Variants in SGCD observed in about 807,000 individuals in gnomAD.
SGCD encodes delta-sarcoglycan.
SGCD carries 18 observed loss-of-function variants against 36.6 expected under a neutral mutation model. The ratio of observed to expected loss-of-function variants is 0.49; its 90% CI spans 0.34 to 0.73. SGCD has a LOEUF of 0.73. Ranked by LOEUF, SGCD falls within the 30% of genes least tolerant of loss-of-function variation. The pLI is 0.01. For synonymous variants in SGCD, 133 were observed against 130.6 expected, an observed-to-expected ratio of 1.02 and a Z score of -0.12; for missense variants, 387 against 346.7, an observed-to-expected ratio of 1.12 and a Z score of -0.92.
In SGCD at chr5:156,052,698, C is replaced by A. The variant is rs1435185385; in HGVS notation, c.-281-65180C>A. Among the ~76,000 whole-genome samples, 2 of 145,132 alleles carry A rather than the reference C, an allele frequency of 1.4e-5. 1 individual carries two copies. The highest frequency in any genetic ancestry group is 3.1e-5 in the Non-Finnish European group (2 of 64,326). ...GAAACACAGTGCAAAATGCAGGGTTCCTTGTTAAAGGAGTAAAAAAAAAAG... is the reference window on the plus strand; with the variant it reads ...GAAACACAGTGCAAAATGCAGGGTTACTTGTTAAAGGAGTAAAAAAAAAAG... On this transcript the variant is annotated intron_variant, in intron 1 of 9. Transcript: ENST00000517913.
rs995339765 is a variant in SGCD at position 156,764,082 on chromosome 5, A to G, written c.*4692A>G. On this transcript the variant is annotated 3_prime_UTR_variant, in exon 9 of 9. Coordinates refer to ENST00000337851, the MANE Select transcript of SGCD (RefSeq NM_000337.6). Reference sequence around the variant, plus strand: ...CCAAGAAATCTTAGGCATGAAAAGGATAAGGAAACAGCTCCTGGAATGATA... The same window carrying G: ...CCAAGAAATCTTAGGCATGAAAAGGGTAAGGAAACAGCTCCTGGAATGATA... 1.3e-5 allele frequency: 2 copies of G among 152,234 alleles called. No homozygotes were observed. Among genetic ancestry groups the G allele is most frequent in the Non-Finnish European group, 2.9e-5 (2 of 68,022 alleles). 9.4% of individuals were successfully genotyped at this position (152,234 alleles called of 1,614,324 possible).
intron 6 of SGCD, among the ~76,000 whole-genome samples, chr5:156,611,525 AAGC>A (rs1356100129): frequency 6.6e-6 from 1 of 152,144 alleles, no homozygotes; most frequent in African/African-American, 2.4e-5. Context: ...ATTTTTCTTA[AAGC>A]TTTTAGAATT....
At chr5:156,442,164 G>A (rs757466379) in intron 3 of SGCD, among the ~76,000 whole-genome samples, 16 of 152,300 alleles carry the variant, frequency 1.1e-4, no homozygotes, top group Admixed American at 5.2e-4. Context: ...AGCAGTGATC[G>A]AGTGTAATCA....
At chr5:156,484,175 G>C (rs1313589643) in intron 3 of SGCD, among the ~76,000 whole-genome samples, 1 of 152,144 alleles carries the variant, frequency 6.6e-6, no homozygotes, top group Non-Finnish European at 1.5e-5. Context: ...TAAAGAAAAG[G>C]GAAACGTGAA....
intron 1 of SGCD, among the ~76,000 whole-genome samples, chr5:156,112,415 G>A (rs1761808307): frequency 6.6e-6 from 1 of 152,026 alleles, no homozygotes; most frequent in Non-Finnish European, 1.5e-5. Context: ...ATAGGACTCT[G>A]TGGATTCTTA....
chr5:156,013,276 C>T (rs545910299), intron 1 of SGCD, among the ~76,000 whole-genome samples: 5 of 152,210 alleles, frequency 3.3e-5, no homozygotes, highest in African/African-American at 1.2e-4. Flanking sequence ...CTGCCGACCT[C>T]AGCCTCCCAA....
chr5:155,800,189 A>T, the SGCD span, among the ~76,000 whole-genome samples: 1 of 152,094 alleles, frequency 6.6e-6, no homozygotes, highest in East Asian at 1.9e-4. Context: ...GTTTTGCATC[A>T]TAAGTTCTTC....
chr5:156,744,388 G>T (rs1352383204), intron 7 of SGCD, among the ~76,000 whole-genome samples: 1 of 152,280 alleles, frequency 6.6e-6, no homozygotes, highest in Non-Finnish European at 1.5e-5. Context: ...GGCAGCAGCC[G>T]AGACTTTAGT....
intron 7 of SGCD, among the ~76,000 whole-genome samples, chr5:156,674,362 C>T (rs1414116893): frequency 6.6e-6 from 1 of 152,138 alleles, no homozygotes; most frequent in Non-Finnish European, 1.5e-5. Flanking sequence ...AGGCATAATC[C>T]CCCGTCTTTG....
intron 1 of SGCD, among the ~76,000 whole-genome samples, chr5:155,958,149 G>A (rs1757705037): frequency 6.6e-6 from 1 of 152,076 alleles, no homozygotes; most frequent in Non-Finnish European, 1.5e-5. Flanking sequence ...GCTTACCCCA[G>A]GATTGCTGTG....
intron 7 of SGCD, among the ~76,000 whole-genome samples, chr5:156,695,906 A>C (rs1273673707): frequency 6.6e-6 from 1 of 152,240 alleles, no homozygotes; most frequent in African/African-American, 2.4e-5. Flanking sequence ...GTTTGTGTTC[A>C]TCAGACTTGT....
At chr5:156,595,960 C>A (rs921123392) in intron 6 of SGCD, among the ~76,000 whole-genome samples, 3 of 152,130 alleles carry the variant, frequency 2.0e-5, no homozygotes, top group Non-Finnish European at 4.4e-5. Flanking sequence ...TTTAAGGATC[C>A]TAGAACTCCA....
In SGCD at chr5:156,535,324, C is replaced by T. The variant is rs150132318; in HGVS notation, c.294+26622C>T. On this transcript the variant is annotated intron_variant, in intron 4 of 8. Coordinates refer to ENST00000337851, the MANE Select transcript of SGCD (RefSeq NM_000337.6). ...TTGACTTTAATAGGTCCTGATTATG[C>T]TGCTCATATTCCATGAAATTAAAAA... 1.5e-3 allele frequency among the ~76,000 whole-genome samples: 232 copies of T among 152,340 alleles called. 1 individual carries two copies. Among genetic ancestry groups the T allele is most frequent in the Middle Eastern group, 3.4e-3 (1 of 294 alleles).
At chr5:156,478,300 A>AG (rs1755277576) in intron 3 of SGCD, among the ~76,000 whole-genome samples, 1 of 152,194 alleles carries the variant, frequency 6.6e-6, no homozygotes, top group South Asian at 2.1e-4. Context: ...GCTCAGCCTC[A>AG]GACCTCAAGG....
intron 3 of SGCD, among the ~76,000 whole-genome samples, chr5:156,165,397 A>G (rs1159971862): frequency 1.3e-5 from 2 of 152,210 alleles, no homozygotes; most frequent in Admixed American, 6.5e-5. Flanking sequence ...TCTTTTTCAG[A>G]GCTATTCAGC....
At chr5:155,800,606 A>C in the SGCD span, among the ~76,000 whole-genome samples, 1 of 151,804 alleles carries the variant, frequency 6.6e-6, no homozygotes, top group African/African-American at 2.4e-5. Context: ...TCATCTTAAA[A>C]CTTCAGAGAT....
chr5:155,749,139 ATAT>A, the SGCD span, among the ~76,000 whole-genome samples: 5 of 152,294 alleles, frequency 3.3e-5, no homozygotes, highest in African/African-American at 2.4e-5. Flanking sequence ...GTCATTGTTA[ATAT>A]TATTATTATA....
At chr5:156,402,622 C>T (rs1238814405) in intron 3 of SGCD, among the ~76,000 whole-genome samples, 2 of 152,200 alleles carry the variant, frequency 1.3e-5, no homozygotes, top group Non-Finnish European at 2.9e-5. Flanking sequence ...CTTGCTTGTT[C>T]ATACATGCAT....
Position 156,415,255 on chromosome 5 carries a change from G to A in SGCD, c.192+70578G>A, listed in dbSNP as rs142506220. ...AGCCACAGTTTTAAGGTATTTCTCC[G>A]CAACCCAGATTTTGCATTATCAGAG... is the stretch of plus-strand genomic sequence containing the variant. On this transcript the variant is annotated intron_variant, in intron 3 of 8. Transcript: ENST00000337851. 9.5e-4 allele frequency among the ~76,000 whole-genome samples: 144 copies of A among 152,130 alleles called. 3 individuals are homozygous for A. The East Asian group carries it at 0.027, about 28-fold the overall frequency.
Sources: gnomAD v4.1 joint callset for allele counts (sites outside exome capture counted in the v4.1 genomes callset) on GRCh38, gnomAD v4.1.1 for gene constraint, MANE v1.5 for transcripts, NCBI Gene and HGNC (gene_info 2026-07-23, HGNC 2026-07-21) for gene names.